Variants in EZR observed in about 807,000 individuals in gnomAD.
The protein encoded by EZR is ezrin, also known as cytovillin 2.
In EZR, 40 loss-of-function variants were observed where a neutral mutation model predicts 74.8. The ratio of observed to expected loss-of-function variants is 0.53; its 90% CI spans 0.42 to 0.70. EZR has a LOEUF of 0.70. Ranked by LOEUF, EZR falls within the 30% of genes least tolerant of loss-of-function variation. The pLI is 0.00. For synonymous variants in EZR, 341 were observed against 283.3 expected, an observed-to-expected ratio of 1.20 and a Z score of -2.05; for missense variants, 678 against 755.8, an observed-to-expected ratio of 0.90 and a Z score of 1.21.
intron 7 of EZR, among the ~76,000 whole-genome samples, chr6:158,782,460 G>A (rs913128829): frequency 1.3e-5 from 2 of 152,194 alleles, no homozygotes; most frequent in Non-Finnish European, 2.9e-5. Flanking sequence ...TGGGAAATGG[G>A]GAGAGCTGTC....
chr6:158,785,711 G>A (rs1791562184), intron 4 of EZR, 128 bp from the exon 5 acceptor site: 4 of 1,239,694 alleles, frequency 3.2e-6, no homozygotes, highest in Non-Finnish European at 4.4e-6. Context: ...TATTCTTAAA[G>A]TCATCTTTTT....
chr6:158,816,971 A>G (rs1454700542), intron 2 of EZR, among the ~76,000 whole-genome samples: 1 of 152,070 alleles, frequency 6.6e-6, no homozygotes, highest in Non-Finnish European at 1.5e-5. Flanking sequence ...TGTAATCCCA[A>G]CTACTCGGGA....
chr6:158,787,084 T>C (rs1562497605), intron 4 of EZR, 24 bp downstream of exon 4: 6 of 1,588,950 alleles, frequency 3.8e-6, no homozygotes, highest in Admixed American at 1.7e-5. Flanking sequence ...ATCCACAGCC[T>C]GTAAATAGTT....
intron 2 of EZR, among the ~76,000 whole-genome samples, chr6:158,803,570 T>C (rs1418739178): frequency 5.3e-3 from 41 of 7,776 alleles, no homozygotes; most frequent in African/African-American, 7.0e-3. Flanking sequence ...TATATATATA[T>C]ATATATATAT....
rs2128564610 is a variant in EZR, at chr6:158,769,705, A to G, written c.1251+79T>C. On this transcript the variant is annotated intron_variant, in intron 11 of 13. Transcript: ENST00000367075. ...ACAGCTTCCAGTCATGACAATTATT[A>G]CAAGGCAGGTGTCACATTTTCCATC... 3 of 1,552,266 alleles carry G rather than the reference A, an allele frequency of 1.9e-6. No individual in the cohort carries two copies. The African/African-American group carries it at 4.1e-5, about 21-fold the overall frequency.
intron 8 of EZR, among the ~76,000 whole-genome samples, chr6:158,772,468 C>T (rs911634101): frequency 1.3e-5 from 2 of 152,200 alleles, no homozygotes; most frequent in Non-Finnish European, 2.9e-5. Flanking sequence ...AGGAGGTGCT[C>T]GGCGCAGGAA....
chr6:158,803,193 T>TA (rs1777225728), intron 2 of EZR, among the ~76,000 whole-genome samples: 1 of 124,628 alleles, frequency 8.0e-6, no homozygotes, highest in African/African-American at 3.5e-5. Context: ...AATTTCCTAG[T>TA]AACTGACTTT....
intron 2 of EZR, among the ~76,000 whole-genome samples, chr6:158,815,569 G>T (rs1354542554): frequency 1.3e-5 from 2 of 152,170 alleles, no homozygotes; most frequent in East Asian, 3.8e-4. Context: ...TTGACCTCCA[G>T]GGCTCATCAA....
chr6:158,774,626 A>T (rs1184521313), intron 8 of EZR, among the ~76,000 whole-genome samples: 3 of 149,508 alleles, frequency 2.0e-5, no homozygotes, highest in Non-Finnish European at 4.4e-5. Flanking sequence ...CTTGGGGCTT[A>T]TTATGAAAAT....
intron 8 of EZR, among the ~76,000 whole-genome samples, chr6:158,775,708 T>G (rs969934393): frequency 2.0e-5 from 3 of 152,256 alleles, no homozygotes; most frequent in African/African-American, 7.2e-5. Flanking sequence ...AACAAAATCC[T>G]TACCCATTCT....
Position 158,818,148 on chromosome 6 carries a change from G to A in EZR, c.-55C>T, listed in dbSNP as rs79686763. On this transcript the variant is annotated 5_prime_UTR_variant, in exon 2 of 14. Coordinates refer to ENST00000367075, the MANE Select transcript of EZR (RefSeq NM_001111077.2). ...CCGAAAACACGACTATCCAGCAGCAGCGAAGACGCTGTCCCAACCTGGAGT... is the reference window on the plus strand; with the variant it reads ...CCGAAAACACGACTATCCAGCAGCAACGAAGACGCTGTCCCAACCTGGAGT... 4.4e-6 allele frequency: 7 copies of A among 1,600,262 alleles called. No homozygotes were observed. Among genetic ancestry groups the A allele is most frequent in the East Asian group, 4.5e-5 (2 of 44,538 alleles).
Position 158,770,834 on chromosome 6 carries a change from C to T in EZR, c.1020G>A (p.Met340Ile). The change falls in exon 10 of 14, where the codon ATG becomes ATA. Residue 340 changes from methionine (M) to isoleucine (I), a missense_variant. This residue lies in a region of EZR where 342 missense variants were observed against 341.2 expected (regional missense o/e 1.00). Coordinates refer to ENST00000367075, the MANE Select transcript of EZR (RefSeq NM_001111077.2). ...GCATCAACTCCTCCTTCTCGCGCATCATCTGCTCTTTCTCTCTCTCCACGG... is the reference window on the plus strand; with the variant it reads ...GCATCAACTCCTCCTTCTCGCGCATTATCTGCTCTTTCTCTCTCTCCACGG... ...RETVEREKEQ[M>I]MREKEELMLR... is the part of the protein sequence containing the mutation. 1 of 1,614,274 alleles carries T rather than the reference C, an allele frequency of 6.2e-7. No homozygotes were observed. Among genetic ancestry groups the T allele is most frequent in the Non-Finnish European group, 8.5e-7 (1 of 1,180,050 alleles).
At chr6:158,804,191 A>T (rs1477235552) in intron 2 of EZR, among the ~76,000 whole-genome samples, 1 of 151,778 alleles carries the variant, frequency 6.6e-6, no homozygotes, top group Non-Finnish European at 1.5e-5. Flanking sequence ...ATTAAGAACC[A>T]ACTTCTTCTA....
Position 158,818,125 on chromosome 6 carries a change from G to A in EZR, c.-32C>T, listed in dbSNP as rs1231676663. The A allele has an allele frequency of 3.1e-6, 5 of 1,606,498 alleles. No homozygotes were observed. The African/African-American group carries it at 5.4e-5, about 17-fold the overall frequency. On this transcript the variant is annotated 5_prime_UTR_variant, in exon 2 of 14. Transcript: ENST00000367075. ...TTTCTGGTGAGTATCCTCGATCCCC[G>A]AAAACACGACTATCCAGCAGCAGCG...
chr6:158,778,049 G>C (rs1310686725), intron 7 of EZR, among the ~76,000 whole-genome samples: 2 of 152,222 alleles, frequency 1.3e-5, no homozygotes, highest in South Asian at 4.1e-4. Context: ...ACTGACTTCA[G>C]CCTATGTCCT....
intron 2 of EZR, among the ~76,000 whole-genome samples, chr6:158,792,263 G>A (rs1009328787): frequency 3.1e-5 from 4 of 131,066 alleles, no homozygotes; most frequent in Non-Finnish European, 5.2e-5. Flanking sequence ...GCCCAGGTTG[G>A]AGTGCAGTGG....
At chr6:158,817,266 A>G (rs1377362739) in intron 2 of EZR, among the ~76,000 whole-genome samples, 1 of 152,204 alleles carries the variant, frequency 6.6e-6, no homozygotes, top group African/African-American at 2.4e-5. Context: ...CCAGTTCCCC[A>G]GTGTTAAAAG....
rs761768451 is a variant in EZR at position 158,767,526 on chromosome 6, A to C, written c.1345-14T>G. ...GGCTTCTTTGGCCTTTGGAAAGCAA[A>C]TTAATAAGAGGACTTCTCACCCAGA... On this transcript the variant is annotated splice_polypyrimidine_tract_variant and intron_variant, in intron 12 of 13. Transcript: ENST00000367075. 1.9e-6 allele frequency: 3 copies of C among 1,559,720 alleles called. No individual in the cohort carries two copies. Among genetic ancestry groups the C allele is most frequent in the South Asian group, 2.4e-5 (2 of 82,822 alleles).
intron 2 of EZR, among the ~76,000 whole-genome samples, chr6:158,814,377 T>C (rs367954830): frequency 0.023 from 733 of 31,696 alleles, 4 homozygotes; most frequent in African/African-American, 0.15. Context: ...CCCATCAGAT[T>C]TTCCTCTCGA....
Sources: gnomAD v4.1 joint callset for allele counts (sites outside exome capture counted in the v4.1 genomes callset) on GRCh38, gnomAD v4.1.1 for gene constraint, gnomAD v4.1.1 regional missense constraint, MANE v1.5 for transcripts, NCBI Gene and HGNC (gene_info 2026-07-23, HGNC 2026-07-21) for gene names.